The following WSB2 variants were observed in gnomAD, a reference collection of about 807,000 sequenced individuals.
WSB2 encodes the protein WD repeat and SOCS box containing 2.
In WSB2, 12 loss-of-function variants were observed where a neutral mutation model predicts 48.8. The ratio of observed to expected loss-of-function variants is 0.25; its 90% CI spans 0.16 to 0.40. The LOEUF is 0.40. Ranked by LOEUF, WSB2 falls within the 10% of genes least tolerant of loss-of-function variation. The pLI is 1.00. For missense variants in WSB2, 317 were observed against 506.2 expected (o/e 0.63, Z 3.59); for synonymous variants, 191 against 203.1 (o/e 0.94, Z 0.51).
intron 2 of WSB2, among the ~76,000 whole-genome samples, chr12:118,047,382 A>G (rs1418999400): frequency 6.6e-6 from 1 of 151,986 alleles, no homozygotes; most frequent in Non-Finnish European, 1.5e-5. Context: ...AGACAGATTC[A>G]TTGGCAGAAT....
At chr12:118,036,201 CAAAAG>C (rs2031505858) in intron 6 of WSB2, 132 bp downstream of exon 6, 1 of 1,079,952 alleles carries the variant, frequency 9.3e-7, no homozygotes, top group East Asian at 2.4e-5. Flanking sequence ...GACTCCGTCT[CAAAAG>C]AGACCCACTG....
intron 4 of WSB2, among the ~76,000 whole-genome samples, chr12:118,038,607 G>A (rs1009554508): frequency 6.6e-6 from 1 of 152,142 alleles, no homozygotes; most frequent in African/African-American, 2.4e-5. Context: ...ATTCCCCACG[G>A]AAACCAGTAC....
At chr12:118,050,774 A>T (rs938865122) in intron 2 of WSB2, among the ~76,000 whole-genome samples, 1 of 152,216 alleles carries the variant, frequency 6.6e-6, no homozygotes, top group Admixed American at 6.5e-5. Flanking sequence ...ATGCTCGGCC[A>T]GGTGTGGTGG....
chr12:118,038,430 A>C, intron 4 of WSB2, 42 bp from the exon 5 acceptor site: 2 of 1,584,234 alleles, frequency 1.3e-6, no homozygotes, highest in South Asian at 1.1e-5. Context: ...GTCCTCAACA[A>C]AGCAGGAAGA....
Position 118,034,205 on chromosome 12 carries a change from C to G in WSB2, c.1206G>C (p.Arg402Ser). The G allele has an allele frequency of 6.2e-7, 1 of 1,614,170 alleles. No homozygotes were observed. The highest frequency in any genetic ancestry group is 8.5e-7 in the Non-Finnish European group (1 of 1,180,026). The change falls in exon 9 of 9, where the codon AGG becomes AGC. Residue 402 changes from arginine (R) to serine (S), a missense_variant. By Grantham distance (110) the Arg-to-Ser change is moderately radical. Around this residue, in one of 2 missense-constraint regions of WSB2, gnomAD observed 189 missense variants for 349.6 expected, o/e 0.54. Transcript: ENST00000315436. The stretch of plus-strand genomic sequence containing the variant: ...CAAGATGTGGTGTTGCTTAAAAAGT[C>G]CTGTATGTGAGGAACTCTTTCATTT... ...PKKMKEFLTY[R>S]TF
intron 2 of WSB2, among the ~76,000 whole-genome samples, 174 bp from the exon 3 acceptor site, chr12:118,043,551 C>A (rs767624762): frequency 2.2e-4 from 34 of 152,144 alleles, no homozygotes; most frequent in Non-Finnish European, 3.2e-4. Context: ...TCAACTGATC[C>A]TCCTGCCTCA....
chr12:118,050,771 G>A (rs55816764), intron 2 of WSB2, among the ~76,000 whole-genome samples: 6,917 of 152,232 alleles, frequency 0.045, 560 homozygotes, highest in African/African-American at 0.16. Flanking sequence ...AAGATGCTCG[G>A]CCAGGTGTGG....
chr12:118,044,192 T>C (rs1457417700), intron 2 of WSB2, among the ~76,000 whole-genome samples: 1 of 151,976 alleles, frequency 6.6e-6, no homozygotes, highest in Non-Finnish European at 1.5e-5. Context: ...AGCCCTGCAA[T>C]GGGGTGACCT....
At chr12:118,035,162 T>C (rs1404973184) in intron 7 of WSB2, 52 bp downstream of exon 7, 1 of 1,612,348 alleles carries the variant, frequency 6.2e-7, no homozygotes, top group East Asian at 2.2e-5. Flanking sequence ...CTTGCTGCCA[T>C]TACTTGCAAG....
At chr12:118,050,552 T>G (rs1241967843) in intron 2 of WSB2, among the ~76,000 whole-genome samples, 1 of 151,822 alleles carries the variant, frequency 6.6e-6, no homozygotes, top group Non-Finnish European at 1.5e-5. Flanking sequence ...GGCAGGAGGA[T>G]AGCTTGAGAC....
chr12:118,043,018 A>G lies in WSB2; in HGVS notation c.428-46T>C, dbSNP rs774880686. ...CTGAGTCAGCCAGAGAGGGGGCACG[A>G]GGTGTGCCTGCCACGGCCACACCCC... is the stretch of plus-strand genomic sequence containing the variant. On this transcript the variant is annotated intron_variant, in intron 3 of 8. Transcript: ENST00000315436. 11 of 1,613,688 alleles carry G rather than the reference A, an allele frequency of 6.8e-6. No homozygotes were observed. In the East Asian group the frequency reaches 2.2e-4, roughly 33 times the overall value.
chr12:118,052,917 C>T (rs972607886), intron 1 of WSB2, among the ~76,000 whole-genome samples: 6 of 152,158 alleles, frequency 3.9e-5, no homozygotes, highest in Non-Finnish European at 5.9e-5. Context: ...CCCTCTCACT[C>T]GCCTGCATCC....
intron 2 of WSB2, 135 bp from the exon 3 acceptor site, chr12:118,043,512 A>G (rs537052341): frequency 2.2e-6 from 3 of 1,352,486 alleles, no homozygotes; most frequent in African/African-American, 2.9e-5. Flanking sequence ...TGACACAATC[A>G]TGGCTCACTG....
At chr12:118,052,549 A>G in intron 1 of WSB2, 71 bp from the exon 2 acceptor site, 2 of 1,594,154 alleles carry the variant, frequency 1.3e-6, no homozygotes, top group African/African-American at 1.3e-5. Context: ...CAGGAAAGCC[A>G]CTGTCTCCCT....
chr12:118,041,043 C>T (rs1275858105), intron 4 of WSB2, among the ~76,000 whole-genome samples: 1 of 152,094 alleles, frequency 6.6e-6, no homozygotes, highest in African/African-American at 2.4e-5. Flanking sequence ...AGTGAGACTC[C>T]GTCTCAAGAA....
intron 2 of WSB2, 106 bp downstream of exon 2, chr12:118,052,204 A>G (rs1026037971): frequency 2.1e-6 from 3 of 1,444,626 alleles, no homozygotes; most frequent in African/African-American, 2.8e-5. Context: ...CAATTCCTGA[A>G]CCATGAGCCA....
intron 2 of WSB2, among the ~76,000 whole-genome samples, chr12:118,044,561 C>T (rs1425569014): frequency 1.3e-5 from 2 of 152,162 alleles, no homozygotes; most frequent in Non-Finnish European, 2.9e-5. Context: ...AAGGATCAAA[C>T]AGCAAGGTAG....
intron 2 of WSB2, among the ~76,000 whole-genome samples, chr12:118,046,314 C>A (rs1328078602): frequency 2.0e-5 from 3 of 151,700 alleles, no homozygotes; most frequent in Admixed American, 6.6e-5. Context: ...TACAAAAAAA[C>A]TAGCCAGGCC....
At chr12:118,041,908 C>A (rs970941176) in intron 4 of WSB2, among the ~76,000 whole-genome samples, 8 of 152,168 alleles carry the variant, frequency 5.3e-5, no homozygotes, top group African/African-American at 1.2e-4. Context: ...GCGCCCACCA[C>A]CACGCCCAGC....
Sources: gnomAD v4.1 joint callset for allele counts (sites outside exome capture counted in the v4.1 genomes callset) on GRCh38, gnomAD v4.1.1 for gene constraint, gnomAD v4.1.1 regional missense constraint, MANE v1.5 for transcripts, NCBI Gene and HGNC (gene_info 2026-07-23, HGNC 2026-07-21) for gene names.